Variants in CFDP1 observed in about 807,000 individuals in gnomAD.
CFDP1 encodes heterochromatin-stabilizing protein CFDP1.
In CFDP1, 31 loss-of-function variants were observed where a neutral mutation model predicts 40.1. The observed-to-expected ratio is 0.77, with a 90% CI of 0.58 to 1.04. The LOEUF (loss-of-function observed/expected upper bound fraction) is 1.04, where lower values mean the gene tolerates loss of function less well. CFDP1 is among the 50% of genes least tolerant of loss of function. The pLI is 0.00. For synonymous variants in CFDP1, 167 were observed against 120.0 expected, an observed-to-expected ratio of 1.39 and a Z score of -2.56; for missense variants, 423 against 343.4, an observed-to-expected ratio of 1.23 and a Z score of -1.83.
At chr16:75,318,609 T>C (rs373356143) in intron 5 of CFDP1, among the ~76,000 whole-genome samples, 2 of 152,244 alleles carry the variant, frequency 1.3e-5, no homozygotes, top group Admixed American at 6.5e-5. Flanking sequence ...TTTCACCGTG[T>C]TAGCCAGGAT....
chr16:75,426,493 C>A (rs1222135166), intron 1 of CFDP1, among the ~76,000 whole-genome samples: 4 of 151,880 alleles, frequency 2.6e-5, no homozygotes, highest in Non-Finnish European at 5.9e-5. Context: ...ATTTGACAAA[C>A]TGGATTTTAT....
chr16:75,309,447 C>G (rs1409857195), intron 5 of CFDP1, among the ~76,000 whole-genome samples: 1 of 151,922 alleles, frequency 6.6e-6, no homozygotes, highest in African/African-American at 2.4e-5. Context: ...AGCACTGGCT[C>G]TCCAGGCATC....
intron 5 of CFDP1, among the ~76,000 whole-genome samples, chr16:75,370,938 C>G (rs1015009387): frequency 6.6e-6 from 1 of 152,176 alleles, no homozygotes; most frequent in African/African-American, 2.4e-5. Flanking sequence ...GACTTGCTTA[C>G]TACAAAATTC....
intron 5 of CFDP1, chr16:75,324,789 G>A (rs1343974192): frequency 1.3e-5 from 2 of 151,784 alleles, no homozygotes; most frequent in Non-Finnish European, 2.9e-5. Flanking sequence ...GATTAGTGGA[G>A]CTGGGACTCA....
At chr16:75,429,821 T>G (rs750283035) in intron 1 of CFDP1, among the ~76,000 whole-genome samples, 24 of 152,184 alleles carry the variant, frequency 1.6e-4, no homozygotes, top group Admixed American at 6.5e-5. Context: ...ATTAGCAGTG[T>G]CGACGAAAAG....
intron 5 of CFDP1, among the ~76,000 whole-genome samples, chr16:75,342,980 A>T (rs367963641): frequency 7.9e-5 from 12 of 152,242 alleles, no homozygotes; most frequent in African/African-American, 2.4e-4. Flanking sequence ...CACCCCCTCA[A>T]TCCAATGGGG....
intron 5 of CFDP1, among the ~76,000 whole-genome samples, chr16:75,322,681 C>T (rs1345617668): frequency 6.6e-6 from 1 of 151,974 alleles, no homozygotes; most frequent in East Asian, 1.9e-4. Flanking sequence ...ATTTTGAGCA[C>T]TGACATGACA....
At chr16:75,407,376 T>TA (rs994789351) in intron 4 of CFDP1, among the ~76,000 whole-genome samples, 1 of 151,918 alleles carries the variant, frequency 6.6e-6, no homozygotes, top group Admixed American at 6.6e-5. Context: ...TATTTTCTAT[T>TA]AAAAAAATAT....
intron 5 of CFDP1, among the ~76,000 whole-genome samples, chr16:75,365,625 G>T (rs531753115): frequency 3.5e-4 from 54 of 152,274 alleles, no homozygotes; most frequent in African/African-American, 1.3e-3. Flanking sequence ...GCTAGGGTGG[G>T]AGGATCACTT....
intron 5 of CFDP1, among the ~76,000 whole-genome samples, chr16:75,360,299 T>C (rs962428897): frequency 6.6e-6 from 1 of 152,232 alleles, no homozygotes; most frequent in Non-Finnish European, 1.5e-5. Context: ...ATTCTGGTAT[T>C]TTCTAGCACT....
At chr16:75,351,334 GA>G (rs1228411652) in intron 5 of CFDP1, among the ~76,000 whole-genome samples, 4 of 152,186 alleles carry the variant, frequency 2.6e-5, no homozygotes, top group Non-Finnish European at 5.9e-5. Context: ...CTAATGTCTT[GA>G]AATAATGTTT....
chr16:75,380,765 A>G (rs1436451150), intron 5 of CFDP1, among the ~76,000 whole-genome samples: 1 of 152,160 alleles, frequency 6.6e-6, no homozygotes, highest in African/African-American at 2.4e-5. Context: ...TTAACATAAA[A>G]ATTGGCCCAG....
In CFDP1 at chr16:75,348,640, C is replaced by T. The variant is rs372679656; in HGVS notation, c.651-43458G>A. Among the ~76,000 whole-genome samples, 1,004 of 147,208 alleles carry T rather than the reference C, an allele frequency of 6.8e-3. 11 individuals are homozygous for T. The highest frequency in any genetic ancestry group is 0.017 in the Middle Eastern group (5 of 288). ...TACTGCAGTAATTATTTACTGCAAGCTTTTTTTTGTATTGATATAATTTGC... is the reference window on the plus strand; with the variant it reads ...TACTGCAGTAATTATTTACTGCAAGTTTTTTTTTGTATTGATATAATTTGC... On this transcript the variant is annotated intron_variant, in intron 5 of 6. Transcript: ENST00000283882.
rs140604894 is a variant in CFDP1 at position 75,427,336 on chromosome 16, C to A, written c.64+5953G>T. 2.2e-3 allele frequency among the ~76,000 whole-genome samples: 338 copies of A among 152,104 alleles called. 1 individual carries two copies. The highest frequency in any genetic ancestry group is 7.7e-3 in the African/African-American group (319 of 41,514). On this transcript the variant is annotated intron_variant, in intron 1 of 6. Coordinates refer to ENST00000283882, the MANE Select transcript of CFDP1 (RefSeq NM_006324.3). ...CACAATTCCGGCTCACTGCAACCTC[C>A]ACCTCCTGGGTTCAAGCGATTCTCC...
At chr16:75,312,571 T>C (rs1312870797) in intron 5 of CFDP1, among the ~76,000 whole-genome samples, 1 of 152,220 alleles carries the variant, frequency 6.6e-6, no homozygotes, top group Non-Finnish European at 1.5e-5. Flanking sequence ...TGATTTCAGC[T>C]GCTCTACATC....
chr16:75,360,125 C>A (rs920868259), intron 5 of CFDP1, among the ~76,000 whole-genome samples: 9 of 152,152 alleles, frequency 5.9e-5, no homozygotes, highest in African/African-American at 2.2e-4. Context: ...CTTCTGGCCT[C>A]AAGCAATCCT....
intron 5 of CFDP1, among the ~76,000 whole-genome samples, chr16:75,371,252 C>G (rs2078749182): frequency 6.6e-6 from 1 of 152,170 alleles, no homozygotes; most frequent in Non-Finnish European, 1.5e-5. Flanking sequence ...GTTATACAAC[C>G]AGAAATGTCT....
At chr16:75,358,073 G>A (rs1435459391) in intron 5 of CFDP1, among the ~76,000 whole-genome samples, 1 of 152,196 alleles carries the variant, frequency 6.6e-6, no homozygotes, top group Non-Finnish European at 1.5e-5. Flanking sequence ...CTATGTGGGT[G>A]TGGCTCATGG....
intron 4 of CFDP1, among the ~76,000 whole-genome samples, chr16:75,397,573 C>T (rs575775260): frequency 6.0e-5 from 9 of 149,820 alleles, no homozygotes; most frequent in African/African-American, 1.2e-4. Flanking sequence ...GAGACTGAGG[C>T]GGGCAGATTA....
Sources: gnomAD v4.1 joint callset for allele counts (sites outside exome capture counted in the v4.1 genomes callset) on GRCh38, gnomAD v4.1.1 for gene constraint, MANE v1.5 for transcripts, NCBI Gene and HGNC (gene_info 2026-07-23, HGNC 2026-07-21) for gene names.